The following CHST8 variants were observed in gnomAD, a reference collection of about 807,000 sequenced individuals.
The protein encoded by CHST8 is GALNAC-4-ST1.
CHST8 carries 10 observed loss-of-function variants against 15.0 expected under a neutral mutation model. The observed-to-expected ratio is 0.67, with a 90% CI of 0.41 to 1.13. The LOEUF (loss-of-function observed/expected upper bound fraction) is 1.13. Among genes scored for constraint, CHST8 ranks in the 50% most tolerant of loss-of-function variants. CHST8 has a pLI of 0.00. For synonymous variants in CHST8, 259 were observed against 256.6 expected (o/e 1.01, Z -0.09); for missense variants, 634 against 608.2 (o/e 1.04, Z -0.45).
chr19:33,761,439 C>T (rs187020527), intron 3 of CHST8, among the ~76,000 whole-genome samples: 496 of 152,162 alleles, frequency 3.3e-3, no homozygotes, highest in African/African-American at 0.011. Context: ...AAGTAAGGCT[C>T]ATGCCCCAGC....
chr19:33,675,284 G>T (rs1023138478), intron 2 of CHST8, among the ~76,000 whole-genome samples: 4 of 152,230 alleles, frequency 2.6e-5, no homozygotes, highest in African/African-American at 7.2e-5. Flanking sequence ...GGATCCAGGG[G>T]CTTGTTCCCT....
chr19:33,642,843 A>G (rs1291666302), intron 1 of CHST8, among the ~76,000 whole-genome samples: 1 of 152,250 alleles, frequency 6.6e-6, no homozygotes, highest in Admixed American at 6.5e-5. Flanking sequence ...TTTTATCAAA[A>G]TGCAATAATC....
intron 1 of CHST8, among the ~76,000 whole-genome samples, chr19:33,635,970 C>T (rs1055449413): frequency 1.3e-5 from 2 of 150,448 alleles, no homozygotes; most frequent in Non-Finnish European, 2.9e-5. Flanking sequence ...GAGGCGGGCG[C>T]GCAAAGACGG....
intron 3 of CHST8, among the ~76,000 whole-genome samples, chr19:33,743,290 G>A (rs1000694535): frequency 4.2e-5 from 6 of 144,482 alleles, no homozygotes; most frequent in Admixed American, 2.1e-4. Context: ...ATCTACCACA[G>A]CAATTCTTTT....
chr19:33,628,722 C>A (rs1175982296), intron 1 of CHST8, among the ~76,000 whole-genome samples: 1 of 152,196 alleles, frequency 6.6e-6, no homozygotes, highest in Non-Finnish European at 1.5e-5. Context: ...TCTCAGCACA[C>A]CATTCACGCC....
chr19:33,682,860 G>C (rs2145247173), intron 2 of CHST8, among the ~76,000 whole-genome samples: 1 of 152,316 alleles, frequency 6.6e-6, no homozygotes, highest in Middle Eastern at 3.4e-3. Context: ...ACTTGAGGTT[G>C]AGTAATTTAT....
At chr19:33,629,856 G>T (rs1252541642) in intron 1 of CHST8, among the ~76,000 whole-genome samples, 1 of 152,248 alleles carries the variant, frequency 6.6e-6, no homozygotes, top group Admixed American at 6.5e-5. Flanking sequence ...CCAGAGGGCG[G>T]CCTCTCCAGA....
At chr19:33,703,309 G>A (rs182153224) in intron 3 of CHST8, among the ~76,000 whole-genome samples, 143 of 152,304 alleles carry the variant, frequency 9.4e-4, no homozygotes, top group Middle Eastern at 6.8e-3. Flanking sequence ...GGGTCCCACC[G>A]TGTGCCAACC....
At chr19:33,672,922 G>A (rs1202404504) in intron 2 of CHST8, among the ~76,000 whole-genome samples, 1 of 152,212 alleles carries the variant, frequency 6.6e-6, no homozygotes, top group East Asian at 1.9e-4. Flanking sequence ...CATCACGTGG[G>A]GTGACGCTGT....
At chr19:33,727,177 C>T (rs560984272) in intron 3 of CHST8, among the ~76,000 whole-genome samples, 38 of 151,686 alleles carry the variant, frequency 2.5e-4, no homozygotes, top group African/African-American at 8.7e-4. Flanking sequence ...TCCCTTTCTT[C>T]AAATGAGGCT....
At chr19:33,757,440 A>G (rs868638359) in intron 3 of CHST8, among the ~76,000 whole-genome samples, 2,341 of 25,914 alleles carry the variant, frequency 0.09, 158 homozygotes, top group Non-Finnish European at 0.11. Context: ...GAAAGAAAGA[A>G]AGAAAGAAAG....
At chr19:33,673,859 T>C (rs1972775457) in intron 2 of CHST8, among the ~76,000 whole-genome samples, 1 of 152,188 alleles carries the variant, frequency 6.6e-6, no homozygotes, top group Non-Finnish European at 1.5e-5. Flanking sequence ...GTTCCAGCGA[T>C]TCTTCTGCCT....
In CHST8 at chr19:33,773,384, AG is replaced by A; in HGVS notation, c.*324del. The A allele has an allele frequency of 2.5e-6, 1 of 393,784 alleles. No homozygotes were observed. 24.4% of individuals were successfully genotyped at this position (393,784 alleles called of 1,614,324 possible). ...CCAGAGGACGGGGGGCCCAGCGGTA[AG>A]GGATGTCCCGCACTCCCTTAGCCAT... On this transcript the variant is annotated 3_prime_UTR_variant, in exon 5 of 5. Coordinates refer to ENST00000650847, the MANE Select transcript of CHST8 (RefSeq NM_001127895.2).
rs1221516459 is a variant in CHST8, at chr19:33,772,666, C to G, written c.878C>G (p.Ala293Gly). The G allele has an allele frequency of 6.2e-7, 1 of 1,613,902 alleles. No homozygotes were observed. The highest frequency in any genetic ancestry group is 1.7e-5 in the Admixed American group (1 of 60,034). Residue 293 changes from alanine (A) to glycine (G), a missense_variant, in exon 5 of 5, where the codon GCC (alanine) becomes GGC (glycine). Physicochemically the swap from Ala to Gly is moderately conservative, Grantham distance 60. Transcript: ENST00000650847. ...FGKAILARYR[A>G]NASREALRTG... ...AAGGCCATCCTGGCCCGGTACCGCGCCAATGCCTCTCGGGAGGCCCTGCGG... is the reference window on the plus strand; with the variant it reads ...AAGGCCATCCTGGCCCGGTACCGCGGCAATGCCTCTCGGGAGGCCCTGCGG...
At chr19:33,679,993 T>C (rs2145243318) in intron 2 of CHST8, among the ~76,000 whole-genome samples, 1 of 152,268 alleles carries the variant, frequency 6.6e-6, no homozygotes, top group South Asian at 2.1e-4. Context: ...TGCAGGACAC[T>C]CCGACAGGCT....
chr19:33,693,058 G>GTGCAA (rs973417250), intron 3 of CHST8, among the ~76,000 whole-genome samples: 3 of 149,412 alleles, frequency 2.0e-5, no homozygotes, highest in Non-Finnish European at 3.0e-5. Flanking sequence ...CCAGGCTGGA[G>GTGCAA]TGCAATGGTG....
intron 3 of CHST8, among the ~76,000 whole-genome samples, chr19:33,769,538 C>T (rs570101177): frequency 6.2e-4 from 94 of 152,048 alleles, no homozygotes; most frequent in Non-Finnish European, 9.4e-4. Flanking sequence ...TCATCGGCTG[C>T]GGGAGAGAAA....
At chr19:33,680,542 C>G (rs547003369) in intron 2 of CHST8, among the ~76,000 whole-genome samples, 1 of 152,350 alleles carries the variant, frequency 6.6e-6, no homozygotes, top group South Asian at 2.1e-4. Context: ...TGCAAATACT[C>G]TTTTATCATA....
intron 1 of CHST8, among the ~76,000 whole-genome samples, chr19:33,643,568 T>C (rs1242430087): frequency 1.3e-5 from 2 of 152,234 alleles, no homozygotes; most frequent in African/African-American, 4.8e-5. Context: ...GCATCATTTA[T>C]GGAACATTCA....
Sources: allele counts gnomAD v4.1 joint callset (sites outside exome capture counted in the v4.1 genomes callset), GRCh38; gene constraint gnomAD v4.1.1; transcripts MANE v1.5; gene names NCBI Gene and HGNC (gene_info 2026-07-23, HGNC 2026-07-21).